Variants in PPP2R2C observed in about 807,000 individuals in gnomAD.
The protein encoded by PPP2R2C is protein phosphatase 2 regulatory subunit Bgamma, also known as protein phosphatase 2, regulatory subunit B, gamma.
A neutral mutation model predicts 45.3 loss-of-function variants in PPP2R2C; 10 were observed. The ratio of observed to expected loss-of-function variants is 0.22; its 90% CI spans 0.14 to 0.37. PPP2R2C has a LOEUF of 0.37. PPP2R2C is among the 10% of genes least tolerant of loss of function. PPP2R2C has a pLI of 1.00. For synonymous variants in PPP2R2C, 257 were observed against 245.4 expected (o/e 1.05, Z -0.44); for missense variants, 308 against 619.7 (o/e 0.50, Z 5.34).
intron 5 of PPP2R2C, among the ~76,000 whole-genome samples, chr4:6,358,446 A>G (rs540491618): frequency 2.0e-5 from 3 of 152,124 alleles, no homozygotes; most frequent in Non-Finnish European, 4.4e-5. Context: ...CATGACTAAA[A>G]CACCAAAAGC....
rs71173441 is a variant in PPP2R2C, at chr4:6,423,900, T to TGTTAGGGTTAGGGTTAGGGTTAGG, written c.71-42830_71-42807dup. Among the ~76,000 whole-genome samples, 580 of 152,192 alleles carry TGTTAGGGTTAGGGTTAGGGTTAGG rather than the reference T, an allele frequency of 3.8e-3. 1 individual carries two copies. Among genetic ancestry groups the TGTTAGGGTTAGGGTTAGGGTTAGG allele is most frequent in the Middle Eastern group, 0.02 (6 of 294 alleles). ...GTTAGAATCAAATGTTTTGAGAGTG[T>TGTTAGGGTTAGGGTTAGGGTTAGG]GTTAGGGTTAGGGTTAGGGTTAGGG... On this transcript the variant is annotated intron_variant, in intron 1 of 8. Transcript: ENST00000382599.
At chr4:6,518,192 T>C (rs975935413) in intron 2 of PPP2R2C, among the ~76,000 whole-genome samples, 12 of 152,070 alleles carry the variant, frequency 7.9e-5, no homozygotes, top group Admixed American at 2.6e-4. Context: ...AATGTACATA[T>C]TAGAAAAGAA....
chr4:6,513,201 A>G (rs1477366746), intron 2 of PPP2R2C, among the ~76,000 whole-genome samples: 5 of 152,214 alleles, frequency 3.3e-5, no homozygotes, highest in Admixed American at 2.6e-4. Context: ...TACCCAGTAA[A>G]TATGTTTAAT....
rs537144998 is a variant in PPP2R2C at position 6,377,904 on chromosome 4, C to T, written c.334+503G>A. ...CCCTGAGGCAAGAGGATTAAGAGGC[C>T]GGCCGGGGTCCTAAACCAAGGCTCC... On this transcript the variant is annotated intron_variant, in intron 3 of 8. Coordinates refer to ENST00000382599, the MANE Select transcript of PPP2R2C (RefSeq NM_020416.4). 2.6e-4 allele frequency among the ~76,000 whole-genome samples: 40 copies of T among 152,256 alleles called. No homozygotes were observed. In the South Asian group the frequency reaches 6.6e-3, roughly 25 times the overall value.
At chr4:6,472,981 G>C (rs1414658449), upstream of PPP2R2C, among the ~76,000 whole-genome samples, 1 of 152,132 alleles carries the variant, frequency 6.6e-6, no homozygotes, top group Non-Finnish European at 1.5e-5. Context: ...CAGTTGAAGA[G>C]GGCGCACCTG....
At chr4:6,361,782 C>T (rs1713759764) in intron 5 of PPP2R2C, among the ~76,000 whole-genome samples, 1 of 152,194 alleles carries the variant, frequency 6.6e-6, no homozygotes, top group Non-Finnish European at 1.5e-5. Context: ...ACCCAGGCAG[C>T]TGTACCCCCA....
rs909637644 is a variant in PPP2R2C at position 6,495,540 on chromosome 4, C to T, written c.49+39731G>A. ...TGTCCTCCTGGTGAGGGAACAGGCACGGGATCAGGTCTGGGTTCATCCCAT... is the reference window on the plus strand; with the variant it reads ...TGTCCTCCTGGTGAGGGAACAGGCATGGGATCAGGTCTGGGTTCATCCCAT... On this transcript the variant is annotated intron_variant, in intron 2 of 9. Transcript: ENST00000506140. Among the ~76,000 whole-genome samples the T allele has an allele frequency of 3.9e-5, 6 of 152,216 alleles. No homozygotes were observed. In the South Asian group the frequency reaches 1.2e-3, roughly 32 times the overall value.
At chr4:6,405,750 A>G (rs959512228) in intron 1 of PPP2R2C, among the ~76,000 whole-genome samples, 4 of 152,178 alleles carry the variant, frequency 2.6e-5, no homozygotes, top group African/African-American at 9.7e-5. Context: ...TTGCAAACCC[A>G]AATTAGTGCC....
intron 2 of PPP2R2C, among the ~76,000 whole-genome samples, chr4:6,510,890 T>A (rs148974106): frequency 0.018 from 2,722 of 151,340 alleles, 33 homozygotes; most frequent in Non-Finnish European, 0.024. Context: ...GGTAGGAGAA[T>A]TGCTGGAACC....
chr4:6,343,975 T>A (rs2109212593), intron 6 of PPP2R2C, among the ~76,000 whole-genome samples: 1 of 152,376 alleles, frequency 6.6e-6, no homozygotes, highest in Admixed American at 6.5e-5. Context: ...AGCCCCACCC[T>A]GTCTACAGAC....
At chr4:6,511,510 G>GTGA (rs1723483039) in intron 2 of PPP2R2C, among the ~76,000 whole-genome samples, 1 of 27,844 alleles carries the variant, frequency 3.6e-5, no homozygotes, top group Non-Finnish European at 9.3e-5. Flanking sequence ...GGTGATGGTG[G>GTGA]TGGTGGTGGT....
At chr4:6,482,247 A>G (rs904573711) in intron 2 of PPP2R2C, among the ~76,000 whole-genome samples, 8 of 152,224 alleles carry the variant, frequency 5.3e-5, no homozygotes, top group Non-Finnish European at 1.2e-4. Context: ...TTATATTTGT[A>G]AACTCAATTA....
intron 2 of PPP2R2C, among the ~76,000 whole-genome samples, chr4:6,505,709 T>C (rs574654564): frequency 5.3e-5 from 8 of 152,348 alleles, no homozygotes; most frequent in Admixed American, 3.3e-4. Flanking sequence ...CTCACGCCTG[T>C]CATCCCACCA....
At chr4:6,468,584 G>A (rs1409269634) in intron 1 of PPP2R2C, among the ~76,000 whole-genome samples, 2 of 152,142 alleles carry the variant, frequency 1.3e-5, no homozygotes, top group Non-Finnish European at 1.5e-5. Flanking sequence ...GAGAGTGACT[G>A]TTGCTCCCCA....
chr4:6,514,578 A>G (rs1218446847), intron 2 of PPP2R2C, among the ~76,000 whole-genome samples: 3 of 152,218 alleles, frequency 2.0e-5, no homozygotes, highest in African/African-American at 4.8e-5. Context: ...GATTGTTCCA[A>G]TGGTCTGAAC....
At chr4:6,501,318 C>T (rs976111794) in intron 2 of PPP2R2C, among the ~76,000 whole-genome samples, 2 of 152,048 alleles carry the variant, frequency 1.3e-5, no homozygotes, top group African/African-American at 4.8e-5. Flanking sequence ...ACAGGGTGCA[C>T]CCTGTGAACA....
intron 6 of PPP2R2C, among the ~76,000 whole-genome samples, chr4:6,337,586 C>T (rs1733079613): frequency 6.6e-6 from 1 of 152,052 alleles, no homozygotes; most frequent in African/African-American, 2.4e-5. Context: ...GACCAGACTC[C>T]CCCAGACCTT....
At chr4:6,476,600 G>C (rs184144838), upstream of PPP2R2C, among the ~76,000 whole-genome samples, 1 of 152,198 alleles carries the variant, frequency 6.6e-6, no homozygotes, top group Non-Finnish European at 1.5e-5. Flanking sequence ...GTGAAAAATA[G>C]ATTGTGGTTT....
chr4:6,413,560 G>A (rs1560528902), intron 1 of PPP2R2C, among the ~76,000 whole-genome samples: 1 of 152,182 alleles, frequency 6.6e-6, no homozygotes, highest in African/African-American at 2.4e-5. Context: ...GCATCCCAGA[G>A]GCTGGGGATG....
Sources: gnomAD v4.1 joint callset for allele counts (sites outside exome capture counted in the v4.1 genomes callset) on GRCh38, gnomAD v4.1.1 for gene constraint, MANE v1.5 for transcripts, NCBI Gene and HGNC (gene_info 2026-07-23, HGNC 2026-07-21) for gene names.